The following PTPN9 variants were observed in gnomAD, a reference collection of about 807,000 sequenced individuals.
PTPN9 encodes protein tyrosine phosphatase non-receptor type 9.
In PTPN9, 26 loss-of-function variants were observed where a neutral mutation model predicts 69.8. The ratio of observed to expected loss-of-function variants is 0.37; its 90% CI spans 0.27 to 0.52. The LOEUF (loss-of-function observed/expected upper bound fraction) is 0.52, where lower values mean the gene tolerates loss of function less well. Ranked by LOEUF, PTPN9 falls within the 20% of genes least tolerant of loss-of-function variation. The pLI is 0.91. For missense variants in PTPN9, 549 were observed against 740.3 expected (o/e 0.74, Z 3.00); for synonymous variants, 274 against 272.5 (o/e 1.01, Z -0.05).
rs1181813981 is a variant in PTPN9 at position 75,505,728 on chromosome 15, C to T, written c.915G>A (p.Glu305=). The change falls in exon 7 of 13, where the codon GAG becomes GAA. Residue 305 remains glutamate (E), a synonymous_variant. Transcript: ENST00000618819. The part of the protein sequence containing the change: ...VNARQKQGIY[E]EYEDIRRENP... Reference sequence around the variant, plus strand: ...TCTCACGACGAATGTCTTCATATTCCTCATAGATTCCTTGCTTTTGCCTGG... The same window carrying T: ...TCTCACGACGAATGTCTTCATATTCTTCATAGATTCCTTGCTTTTGCCTGG... 6.2e-7 allele frequency: 1 copy of T among 1,614,078 alleles called. No homozygotes were observed. The highest frequency in any genetic ancestry group is 8.5e-7 in the Non-Finnish European group (1 of 1,179,982).
At chr15:75,557,868 A>G (rs2075084171) in intron 1 of PTPN9, among the ~76,000 whole-genome samples, 1 of 152,176 alleles carries the variant, frequency 6.6e-6, no homozygotes. Context: ...AATCACCTCC[A>G]AGGCTAGCAT....
At chr15:75,513,728 T>C (rs972247593) in intron 5 of PTPN9, among the ~76,000 whole-genome samples, 5 of 144,240 alleles carry the variant, frequency 3.5e-5, no homozygotes, top group African/African-American at 5.2e-5. Context: ...GATCAGGCCA[T>C]TGCGCTTCAG....
At chr15:75,498,211 A>G (rs986439395) in intron 7 of PTPN9, among the ~76,000 whole-genome samples, 1 of 151,948 alleles carries the variant, frequency 6.6e-6, no homozygotes, top group Non-Finnish European at 1.5e-5. Context: ...ATATATATAT[A>G]TATTTCTCCC....
At position 75,523,242 on chromosome 15, in the gene PTPN9, C is replaced by A; in HGVS notation, c.301G>T (p.Val101Phe). The A allele has an allele frequency of 6.2e-7, 1 of 1,610,466 alleles. No individual in the cohort carries two copies. Among genetic ancestry groups the A allele is most frequent in the Non-Finnish European group, 8.5e-7 (1 of 1,179,096 alleles). ...ATGGAGGCTCCTGTTGGGTCCCGAACATTCTAAAGCAAATAAAACAAGAAA... is the reference window on the plus strand; with the variant it reads ...ATGGAGGCTCCTGTTGGGTCCCGAAAATTCTAAAGCAAATAAAACAAGAAA... ...ILSGKFTILN[V>F]RDPTGASIAL... The change falls in exon 4 of 13, where the codon GTT (valine) becomes TTT (phenylalanine). Residue 101 changes from valine (V) to phenylalanine (F), a missense_variant. Physicochemically the swap from Val to Phe is conservative, Grantham distance 50 (BLOSUM62 -1). Transcript: ENST00000618819.
chr15:75,500,927 A>C (rs901057703), intron 7 of PTPN9, among the ~76,000 whole-genome samples: 2 of 151,982 alleles, frequency 1.3e-5, no homozygotes, highest in African/African-American at 2.4e-5. Flanking sequence ...TACAATAAGT[A>C]AAATGAAATA....
chr15:75,497,414 C>T (rs1452107922), intron 7 of PTPN9, among the ~76,000 whole-genome samples: 2 of 152,152 alleles, frequency 1.3e-5, no homozygotes, highest in East Asian at 1.9e-4. Flanking sequence ...ATCACTTGAG[C>T]CCAGGAGGTT....
At chr15:75,509,935 G>T (rs946141674) in intron 5 of PTPN9, among the ~76,000 whole-genome samples, 1 of 152,186 alleles carries the variant, frequency 6.6e-6, no homozygotes, top group African/African-American at 2.4e-5. Flanking sequence ...AGTAAGCCAA[G>T]ATCGCACCAC....
intron 7 of PTPN9, among the ~76,000 whole-genome samples, chr15:75,502,678 CTG>C: frequency 6.6e-6 from 1 of 152,162 alleles, no homozygotes. Context: ...TACTCTCTGA[CTG>C]TGGATTATTT....
intron 7 of PTPN9, among the ~76,000 whole-genome samples, chr15:75,503,129 G>T (rs2074783313): frequency 6.6e-6 from 1 of 150,450 alleles, no homozygotes; most frequent in African/African-American, 2.5e-5. Context: ...CCTCTGCCTG[G>T]CTGCCCAGTC....
intron 8 of PTPN9, among the ~76,000 whole-genome samples, chr15:75,488,584 C>A (rs1160188258): frequency 6.7e-6 from 1 of 149,090 alleles, no homozygotes. Flanking sequence ...TTGCTTGAGC[C>A]CAGGAAGAAC....
chr15:75,517,400 T>G (rs771102677), intron 4 of PTPN9, 36 bp from the exon 5 acceptor site: 147 of 1,546,906 alleles, frequency 9.5e-5, no homozygotes, highest in Non-Finnish European at 1.2e-4. Flanking sequence ...CATTTGTAAG[T>G]AAGCAGATGG....
chr15:75,480,738 G>A (rs924832327), intron 8 of PTPN9: 28 of 1,296,468 alleles, frequency 2.2e-5, no homozygotes, highest in East Asian at 1.1e-4. Flanking sequence ...AGCGGGCAGC[G>A]GAGCTGTCTC....
chr15:75,558,857 G>T (rs1036458325), intron 1 of PTPN9, among the ~76,000 whole-genome samples: 21 of 152,222 alleles, frequency 1.4e-4, no homozygotes, highest in Non-Finnish European at 2.8e-4. Context: ...CTGGAGTGCA[G>T]TGGCGTGATC....
intron 1 of PTPN9, among the ~76,000 whole-genome samples, chr15:75,548,717 G>A (rs1003827167): frequency 2.8e-5 from 4 of 142,588 alleles, no homozygotes; most frequent in African/African-American, 5.3e-5. Context: ...GCAGGGGCGC[G>A]ATCTTGGCTC....
intron 4 of PTPN9, among the ~76,000 whole-genome samples, chr15:75,521,940 A>C (rs1476365086): frequency 6.6e-6 from 1 of 152,204 alleles, no homozygotes; most frequent in Non-Finnish European, 1.5e-5. Context: ...TCCCGGGCTC[A>C]GACAATCTGC....
At chr15:75,558,953 C>T (rs1477926957) in intron 1 of PTPN9, among the ~76,000 whole-genome samples, 3 of 152,156 alleles carry the variant, frequency 2.0e-5, no homozygotes, top group Admixed American at 6.6e-5. Context: ...GCTGCCACCC[C>T]GTCTGGGAAG....
At position 75,499,783 on chromosome 15, in the gene PTPN9, C is replaced by T. The variant is rs551359705; in HGVS notation, c.968+5892G>A. On this transcript the variant is annotated intron_variant, in intron 7 of 12. Coordinates refer to ENST00000618819, the MANE Select transcript of PTPN9 (RefSeq NM_002833.4). ...AGGGCCTCACAGCAGCTGGTAGTTG[C>T]AAAAGCACCGAGAGCAAGGTGAAGA... 1.1e-4 allele frequency among the ~76,000 whole-genome samples: 16 copies of T among 152,142 alleles called. No individual in the cohort carries two copies. The South Asian group carries it at 3.3e-3, about 32-fold the overall frequency.
chr15:75,475,546 C>A (rs2074591289), intron 9 of PTPN9, among the ~76,000 whole-genome samples: 1 of 151,952 alleles, frequency 6.6e-6, no homozygotes, highest in African/African-American at 2.4e-5. Context: ...CAAGATCGCA[C>A]CATTGAACTC....
At chr15:75,513,565 G>A (rs1434217930) in intron 5 of PTPN9, 3 of 361,064 alleles carry the variant, frequency 8.3e-6, no homozygotes, top group African/African-American at 2.1e-5. Context: ...TCAGGAGTTC[G>A]AGACCAGCCT....
Sources: allele counts gnomAD v4.1 joint callset (sites outside exome capture counted in the v4.1 genomes callset), GRCh38; gene constraint gnomAD v4.1.1; transcripts MANE v1.5; gene names NCBI Gene and HGNC (gene_info 2026-07-23, HGNC 2026-07-21).